Variants in FOXK2 observed in about 807,000 individuals in gnomAD.
The protein encoded by FOXK2 is forkhead box K2, also known as forkhead box protein K2.
In FOXK2, 24 loss-of-function variants were observed where a neutral mutation model predicts 53.3. The observed-to-expected ratio is 0.45, with a 90% CI of 0.33 to 0.63. The LOEUF (loss-of-function observed/expected upper bound fraction) is 0.63. FOXK2 is among the 30% of genes least tolerant of loss of function. The pLI, the probability that FOXK2 is intolerant of heterozygous loss-of-function variation, is 0.03. For missense variants in FOXK2, 952 were observed against 910.5 expected (o/e 1.05, Z -0.59); for synonymous variants, 505 against 407.1 (o/e 1.24, Z -2.89).
rs1308760657 is a variant in FOXK2 at position 82,584,001 on chromosome 17, T to C, written c.1104-12T>C. 1 of 1,574,644 alleles carries C rather than the reference T, an allele frequency of 6.4e-7. No individual in the cohort carries two copies. The highest frequency in any genetic ancestry group is 1.8e-5 in the Admixed American group (1 of 55,308). On this transcript the variant is annotated splice_polypyrimidine_tract_variant and intron_variant, in intron 5 of 8. Coordinates refer to ENST00000335255, the MANE Select transcript of FOXK2 (RefSeq NM_004514.4). ...GCTGTAACCATGCAATGTCTTCTTCTCGGTGACACAGGAGTGCCCCAGCCT... is the reference window on the plus strand; with the variant it reads ...GCTGTAACCATGCAATGTCTTCTTCCCGGTGACACAGGAGTGCCCCAGCCT...
chr17:82,591,809 T>TC (rs1287053689), intron 8 of FOXK2, among the ~76,000 whole-genome samples: 3 of 152,214 alleles, frequency 2.0e-5, no homozygotes, highest in African/African-American at 7.2e-5. Flanking sequence ...CCCTTCTGCT[T>TC]CCTGTTTCCA....
At chr17:82,535,166 C>A (rs2044508554) in intron 1 of FOXK2, among the ~76,000 whole-genome samples, 1 of 152,224 alleles carries the variant, frequency 6.6e-6, no homozygotes, top group Non-Finnish European at 1.5e-5. Flanking sequence ...AGGTGTAAGC[C>A]ACCGTGCCCG....
Position 82,530,342 on chromosome 17 carries a change from T to C in FOXK2, c.419+10035T>C, listed in dbSNP as rs570185141. Among the ~76,000 whole-genome samples, 7 of 150,456 alleles carry C rather than the reference T, an allele frequency of 4.7e-5. No homozygotes were observed. The South Asian group carries it at 8.4e-4, about 18-fold the overall frequency. Reference sequence around the variant, plus strand: ...CCTGTGTCTACTAAAAATACAAAATTAGCTGGGTGTGGTGGCGCATGCCTC... The same window carrying C: ...CCTGTGTCTACTAAAAATACAAAATCAGCTGGGTGTGGTGGCGCATGCCTC... On this transcript the variant is annotated intron_variant, in intron 1 of 8. Coordinates refer to ENST00000335255, the MANE Select transcript of FOXK2 (RefSeq NM_004514.4).
intron 8 of FOXK2, chr17:82,595,710 T>C: frequency 8.2e-7 from 1 of 1,220,316 alleles, no homozygotes; most frequent in Non-Finnish European, 1.1e-6. Context: ...TAAGCCTGTG[T>C]CACTATTCCC....
At chr17:82,548,311 T>C (rs1395669905) in intron 1 of FOXK2, among the ~76,000 whole-genome samples, 1 of 152,170 alleles carries the variant, frequency 6.6e-6, no homozygotes, top group Non-Finnish European at 1.5e-5. Flanking sequence ...AGTCTTCTTA[T>C]ATTAGCCATT....
At position 82,539,658 on chromosome 17, in the gene FOXK2, A is replaced by T. The variant is rs932552977; in HGVS notation, c.419+19351A>T. Among the ~76,000 whole-genome samples the T allele has an allele frequency of 8.0e-5, 12 of 150,214 alleles. No homozygotes were observed. In the East Asian group the frequency reaches 1.6e-3, roughly 20 times the overall value. The stretch of plus-strand genomic sequence containing the variant: ...TCGAGACCTTGTTTTAAAAAAAAAA[A>T]TTAATTAAAAAATATATGTAAATGG... On this transcript the variant is annotated intron_variant, in intron 1 of 8. Coordinates refer to ENST00000335255, the MANE Select transcript of FOXK2 (RefSeq NM_004514.4).
chr17:82,563,842 C>T (rs1349333011), intron 2 of FOXK2, among the ~76,000 whole-genome samples: 1 of 149,604 alleles, frequency 6.7e-6, no homozygotes, highest in African/African-American at 2.5e-5. Flanking sequence ...ACCTCTGCCT[C>T]CCAGGTTCAA....
At chr17:82,578,147 C>T (rs2045011865) in intron 4 of FOXK2, 1 of 151,984 alleles carries the variant, frequency 6.6e-6, no homozygotes, top group Non-Finnish European at 1.5e-5. Flanking sequence ...TTGTCCTGTT[C>T]CTTCTCCTCA....
chr17:82,587,569 G>A (rs371004694), intron 8 of FOXK2: 38 of 431,202 alleles, frequency 8.8e-5, no homozygotes, highest in South Asian at 1.1e-4. Context: ...GGCCTGAAAC[G>A]GCGGGAGCCG....
rs994604844 is a variant in FOXK2, at chr17:82,543,169, TA to T, written c.420-20184del. 1.8e-3 allele frequency among the ~76,000 whole-genome samples: 222 copies of T among 120,028 alleles called. 1 individual carries two copies. Among genetic ancestry groups the T allele is most frequent in the African/African-American group, 6.6e-3 (215 of 32,726 alleles). 78.7% of individuals were successfully genotyped at this position (120,028 alleles called of 152,430 possible). Reference sequence around the variant, plus strand: ...ACTGTGATTTTTGTCTTAAAACTGTTATCTAAATCCACAACTATTTTTAAAT... The same window carrying T: ...ACTGTGATTTTTGTCTTAAAACTGTTTCTAAATCCACAACTATTTTTAAAT... On this transcript the variant is annotated intron_variant, in intron 1 of 8. Transcript: ENST00000335255.
chr17:82,540,903 A>G (rs544859913), intron 1 of FOXK2, among the ~76,000 whole-genome samples: 3 of 152,270 alleles, frequency 2.0e-5, no homozygotes, highest in South Asian at 2.1e-4. Flanking sequence ...TTATGTGTTA[A>G]TACTGTGTTG....
In FOXK2 at chr17:82,582,799, A is replaced by T. The variant is rs2045079709; in HGVS notation, c.968A>T (p.Gln323Leu). The T allele has an allele frequency of 1.2e-6, 2 of 1,610,520 alleles. No individual in the cohort carries two copies. Among genetic ancestry groups the T allele is most frequent in the African/African-American group, 1.3e-5 (1 of 74,782 alleles). The part of the protein sequence containing the change: ...NRYFIKVPRS[Q>L]EEPGKGSFWR... ...TATTTCATCAAAGTGCCGCGTTCCC[A>T]GGAAGAACCAGGCAAAGGCTCGTTC... Residue 323 changes from glutamine (Q) to leucine (L), a missense_variant, in exon 5 of 9, where the codon CAG becomes CTG. Gln to Leu is a moderately radical substitution (Grantham distance 113, BLOSUM62 -2). This residue lies in a region of FOXK2 where 160 missense variants were observed against 214.2 expected (regional missense o/e 0.75). Coordinates refer to ENST00000335255, the MANE Select transcript of FOXK2 (RefSeq NM_004514.4).
At chr17:82,580,097 C>T in intron 4 of FOXK2, among the ~76,000 whole-genome samples, 1 of 124,248 alleles carries the variant, frequency 8.0e-6, no homozygotes, top group Non-Finnish European at 1.7e-5. Context: ...TCCATGTCAC[C>T]CGTGAAGTAG....
chr17:82,595,711 C>T, intron 8 of FOXK2: 1 of 1,222,570 alleles, frequency 8.2e-7, no homozygotes, highest in Non-Finnish European at 1.1e-6. Context: ...AAGCCTGTGT[C>T]ACTATTCCCT....
chr17:82,573,967 C>A (rs1008107444), intron 4 of FOXK2, among the ~76,000 whole-genome samples: 1 of 152,228 alleles, frequency 6.6e-6, no homozygotes, highest in African/African-American at 2.4e-5. Context: ...GGGAGCAGAG[C>A]CCTTGGAGCA....
rs2044339881 is a variant in FOXK2 at position 82,519,818 on chromosome 17, C to T, written c.-71C>T. On this transcript the variant is annotated 5_prime_UTR_variant, in exon 1 of 9. Transcript: ENST00000335255. ...CTCCGGTGCGCGGCGGCCGACGACC[C>T]GCGCGGCCTGGGCCTCGGCCCGCGC... 1 of 563,718 alleles carries T rather than the reference C, an allele frequency of 1.8e-6. No homozygotes were observed. Among genetic ancestry groups the T allele is most frequent in the South Asian group, 7.7e-5 (1 of 12,938 alleles). 34.9% of individuals were successfully genotyped at this position (563,718 alleles called of 1,614,324 possible).
At chr17:82,520,549 G>C (rs2044350990) in intron 1 of FOXK2, among the ~76,000 whole-genome samples, 2 of 152,186 alleles carry the variant, frequency 1.3e-5, no homozygotes, top group Admixed American at 6.5e-5. Flanking sequence ...CCCCTTCCTG[G>C]AGCCGGGGCT....
In FOXK2 at chr17:82,571,711, T is replaced by A; in HGVS notation, c.763-13T>A. 6.7e-7 allele frequency: 1 copy of A among 1,503,316 alleles called. No homozygotes were observed. The highest frequency in any genetic ancestry group is 8.9e-7 in the Non-Finnish European group (1 of 1,127,508). The allele number at this position is 1,503,316 out of a possible 1,614,324, so 93.1% of individuals were successfully genotyped here. On this transcript the variant is annotated splice_polypyrimidine_tract_variant and intron_variant, in intron 3 of 8. Transcript: ENST00000335255. ...ACTTCAATATTCGTTTTGTGTTTGT[T>A]TTTTAAATACAGGATGATTCAAAGC... is the stretch of plus-strand genomic sequence containing the variant.
At chr17:82,582,708 T>C in intron 4 of FOXK2, 33 bp from the exon 5 acceptor site, 3 of 1,505,570 alleles carry the variant, frequency 2.0e-6, no homozygotes, top group South Asian at 1.3e-5. Context: ...CAAATAAATA[T>C]ATGAATTCTA....
Sources: allele counts gnomAD v4.1 joint callset (sites outside exome capture counted in the v4.1 genomes callset), GRCh38; gene constraint gnomAD v4.1.1; regional missense constraint gnomAD v4.1.1; transcripts MANE v1.5; gene names NCBI Gene and HGNC (gene_info 2026-07-23, HGNC 2026-07-21).